The following PLA2G6 variants were observed in gnomAD, a reference collection of about 807,000 sequenced individuals.
PLA2G6 encodes phospholipase A2 group VI, also known as 85/88 kDa calcium-independent phospholipase A2.
PLA2G6 carries 62 observed loss-of-function variants against 83.8 expected under a neutral mutation model. The ratio of observed to expected loss-of-function variants is 0.74; its 90% CI spans 0.60 to 0.91. The LOEUF (loss-of-function observed/expected upper bound fraction) is 0.91. PLA2G6 is among the 40% of genes least tolerant of loss of function. The pLI is 0.00. For synonymous variants in PLA2G6, 417 were observed against 449.8 expected (o/e 0.93, Z 0.92); for missense variants, 944 against 1,102.0 (o/e 0.86, Z 2.03).
At position 38,126,451 on chromosome 22, in the gene PLA2G6, T is replaced by C. The variant is rs797045888; in HGVS notation, c.1349-2A>G. 4 of 1,612,420 alleles carry C rather than the reference T, an allele frequency of 2.5e-6. No individual in the cohort carries two copies. The highest frequency in any genetic ancestry group is 1.1e-5 in the South Asian group (1 of 91,054). ...AGATGTGCATGAGATCCTGTAGTTC[T>C]GTGAGGCACAGAGCAGGGCATGCTG... On this transcript the variant is annotated splice_acceptor_variant, in intron 9 of 16. Transcript: ENST00000332509. LOFTEE classifies it high-confidence loss of function.
At chr22:38,127,043 T>C in intron 9 of PLA2G6, 1 of 1,091,962 alleles carries the variant, frequency 9.2e-7, no homozygotes, top group Non-Finnish European at 1.1e-6. Context: ...TCTTCCTTTG[T>C]GTCCAAGGCC....
chr22:38,126,122 A>G, intron 10 of PLA2G6: 1 of 582,674 alleles, frequency 1.7e-6, no homozygotes, highest in African/African-American at 1.8e-5. Flanking sequence ...ACACTGCGCC[A>G]GCCCCACCAA....
chr22:38,142,389 T>C (rs1048126585), intron 4 of PLA2G6: 1 of 155,214 alleles, frequency 6.4e-6, no homozygotes, highest in Non-Finnish European at 1.4e-5. Flanking sequence ...TCACCCCATC[T>C]GCTTGCCCAC....
chr22:38,154,517 C>T (rs1338664705), intron 2 of PLA2G6, among the ~76,000 whole-genome samples: 3 of 152,252 alleles, frequency 2.0e-5, no homozygotes, highest in East Asian at 1.9e-4. Flanking sequence ...GGTACCTTTA[C>T]GAGTCTGCAA....
chr22:38,176,498 G>C (rs1409125361), intron 1 of PLA2G6, among the ~76,000 whole-genome samples: 1 of 152,210 alleles, frequency 6.6e-6, no homozygotes, highest in Non-Finnish European at 1.5e-5. Flanking sequence ...CCTGGCAGCA[G>C]AACCTGGCAG....
At chr22:38,121,036 A>G in intron 11 of PLA2G6, 127 bp from the exon 12 acceptor site, 1 of 1,044,274 alleles carries the variant, frequency 9.6e-7, no homozygotes. Context: ...GCCTAAGCAA[A>G]CCCAAATTCT....
At chr22:38,177,769 G>A (rs374625596) in intron 1 of PLA2G6, among the ~76,000 whole-genome samples, 61 of 152,084 alleles carry the variant, frequency 4.0e-4, no homozygotes, top group African/African-American at 1.3e-3. Flanking sequence ...CGGCCGAATT[G>A]CCACATTTAA....
chr22:38,112,166 G>A lies in PLA2G6; in HGVS notation c.2416C>T (p.Pro806Ser), dbSNP rs745664459. Residue 806 changes from proline (P) to serine (S), a missense_variant, in exon 17 of 17, where the codon CCC becomes TCC. Coordinates refer to ENST00000332509, the MANE Select transcript of PLA2G6 (RefSeq NM_003560.4). ...FQKLIQLLLSP is the reference protein window; with the variant it reads ...FQKLIQLLLSS ...CGGTGAGAGGCTGGGGACCCTCAGG[G>A]TGAGAGCAGCAGCTGGATGAGCTTC... 1.4e-5 allele frequency: 22 copies of A among 1,582,392 alleles called. No individual in the cohort carries two copies. Among genetic ancestry groups the A allele is most frequent in the South Asian group, 9.2e-5 (8 of 86,660 alleles).
chr22:38,165,168 A>G (rs1414451845), intron 2 of PLA2G6, among the ~76,000 whole-genome samples: 1 of 152,222 alleles, frequency 6.6e-6, no homozygotes, highest in Non-Finnish European at 1.5e-5. Flanking sequence ...GGTGGCACAG[A>G]GGGCCTGGCA....
rs185646953 is a variant in PLA2G6 at position 38,122,891 on chromosome 22, C to T, written c.1591+204G>A. On this transcript the variant is annotated intron_variant, in intron 11 of 16. Coordinates refer to ENST00000332509, the MANE Select transcript of PLA2G6 (RefSeq NM_003560.4). ...CCTCTGTGGCCAGAGGGCGGGGGAT[C>T]CCCAAACCCAAGCCCATGGGCCCAG... 1.0e-3 allele frequency among the ~76,000 whole-genome samples: 155 copies of T among 152,316 alleles called. 1 individual carries two copies. Among genetic ancestry groups the T allele is most frequent in the African/African-American group, 3.4e-3 (140 of 41,562 alleles).
At chr22:38,165,591 T>G (rs532251171) in intron 2 of PLA2G6, among the ~76,000 whole-genome samples, 3 of 152,130 alleles carry the variant, frequency 2.0e-5, no homozygotes, top group African/African-American at 7.2e-5. Flanking sequence ...AACAGGAAGC[T>G]GGCCGGGCGC....
At chr22:38,141,967 G>A (rs1453086423) in intron 4 of PLA2G6, 1 of 151,954 alleles carries the variant, frequency 6.6e-6, no homozygotes, top group African/African-American at 2.4e-5. Flanking sequence ...GGCTGAGGCA[G>A]GTGGATCACT....
At chr22:38,143,402 T>G (rs2089042103) in intron 3 of PLA2G6, 114 bp from the exon 4 acceptor site, 1 of 990,512 alleles carries the variant, frequency 1.0e-6, no homozygotes, top group African/African-American at 1.6e-5. Context: ...TCTGGTTTAT[T>G]TGAGCTCAAG....
chr22:38,118,097 C>T (rs1324539061), intron 12 of PLA2G6, among the ~76,000 whole-genome samples: 1 of 151,396 alleles, frequency 6.6e-6, no homozygotes, highest in Non-Finnish European at 1.5e-5. Flanking sequence ...TATGATTCCA[C>T]TTACATAAGG....
chr22:38,162,208 C>CAAAAAAA (rs1162906670), intron 2 of PLA2G6, among the ~76,000 whole-genome samples: 1 of 74,530 alleles, frequency 1.3e-5, no homozygotes, highest in Non-Finnish European at 2.4e-5. Context: ...GACTCTGTGT[C>CAAAAAAA]AAAAAAAAAA....
At chr22:38,158,326 CG>C (rs888206563) in intron 2 of PLA2G6, among the ~76,000 whole-genome samples, 12 of 151,980 alleles carry the variant, frequency 7.9e-5, no homozygotes, top group Admixed American at 5.2e-4. Flanking sequence ...CCCACCACCA[CG>C]CCTGGCTAAT....
At position 38,128,401 on chromosome 22, in the gene PLA2G6, G is replaced by A; in HGVS notation, c.1216C>T (p.Leu406=). The change falls in exon 9 of 17, where the codon CTG becomes TTG. Residue 406 remains leucine, a synonymous_variant. Coordinates refer to ENST00000332509, the MANE Select transcript of PLA2G6 (RefSeq NM_003560.4). The surrounding 1 kb of genome is among the most constrained non-coding windows in gnomAD (Gnocchi z 4.4). ...LVTRKAILTL[L]RTVGAEYCFP... is the part of the protein sequence containing the mutation. ...CAGTATTCGGCCCCCACGGTTCTCA[G>A]CAGAGTCAAGATCGCCTTCCTGGTG... 1.2e-6 allele frequency: 2 copies of A among 1,614,112 alleles called. No individual in the cohort carries two copies. Among genetic ancestry groups the A allele is most frequent in the Non-Finnish European group, 1.7e-6 (2 of 1,180,008 alleles).
At chr22:38,146,021 C>T in intron 2 of PLA2G6, 1 of 302,076 alleles carries the variant, frequency 3.3e-6, no homozygotes, top group South Asian at 3.1e-5. Flanking sequence ...TACAGGCATG[C>T]ACCACCATGC....
At chr22:38,179,882 T>C (rs1475943710) in intron 1 of PLA2G6, among the ~76,000 whole-genome samples, 2 of 152,030 alleles carry the variant, frequency 1.3e-5, no homozygotes, top group Non-Finnish European at 2.9e-5. Flanking sequence ...AGGTCTGGAC[T>C]GGACTGGGGA....
Sources: gnomAD v4.1 joint callset for allele counts (sites outside exome capture counted in the v4.1 genomes callset) on GRCh38, gnomAD v4.1.1 for gene constraint, Gnocchi (gnomAD v3.1) non-coding constraint, MANE v1.5 for transcripts, NCBI Gene and HGNC (gene_info 2026-07-23, HGNC 2026-07-21) for gene names.